The following ABLIM2 variants were observed in gnomAD, a reference collection of about 807,000 sequenced individuals.
The protein encoded by ABLIM2 is actin-binding LIM protein 2.
In ABLIM2, 53 loss-of-function variants were observed where a neutral mutation model predicts 97.7. The ratio of observed to expected loss-of-function variants is 0.54; its 90% CI spans 0.44 to 0.68. ABLIM2 has a LOEUF of 0.68. Among genes scored for constraint, ABLIM2 ranks in the 30% least tolerant of loss-of-function variants. The pLI, the probability that ABLIM2 is intolerant of heterozygous loss-of-function variation, is 0.00. For missense variants in ABLIM2, 835 were observed against 867.2 expected, an observed-to-expected ratio of 0.96 and a Z score of 0.47; for synonymous variants, 361 against 345.8, an observed-to-expected ratio of 1.04 and a Z score of -0.49.
chr4:8,037,351 C>CACAT, intron 9 of ABLIM2, among the ~76,000 whole-genome samples: 1 of 151,788 alleles, frequency 6.6e-6, no homozygotes, highest in South Asian at 2.1e-4. Context: ...CACACACACA[C>CACAT]ATAAGGCACA....
intron 7 of ABLIM2, among the ~76,000 whole-genome samples, chr4:8,059,406 C>T (rs532623581): frequency 1.5e-4 from 23 of 152,126 alleles, no homozygotes; most frequent in Non-Finnish European, 2.5e-4. Context: ...CCAACTCTAA[C>T]GGTGTCTCCT....
At chr4:8,052,461 C>T (rs1243462761) in intron 8 of ABLIM2, among the ~76,000 whole-genome samples, 1 of 152,220 alleles carries the variant, frequency 6.6e-6, no homozygotes, top group East Asian at 1.9e-4. Context: ...TCACAATGTG[C>T]CAGCTAGCTG....
intron 17 of ABLIM2, among the ~76,000 whole-genome samples, chr4:7,991,520 A>G (rs947365432): frequency 7.6e-6 from 1 of 131,512 alleles, no homozygotes; most frequent in Non-Finnish European, 1.6e-5. Flanking sequence ...CATTGAGCTC[A>G]GGGATTTGCA....
rs141285781 is a variant in ABLIM2 at position 8,055,053 on chromosome 4, T to G, written c.764-807A>C. Among the ~76,000 whole-genome samples the G allele has an allele frequency of 2.3e-3, 351 of 151,834 alleles. 2 individuals are homozygous for G. Among genetic ancestry groups the G allele is most frequent in the African/African-American group, 8.0e-3 (333 of 41,452 alleles). ...TACCCCAAGTCTTTGTTTTTGTTTT[T>G]TTTTTTTCCACCTAAGAATAGAGCT... On this transcript the variant is annotated intron_variant, in intron 7 of 20. Coordinates refer to ENST00000447017, the MANE Select transcript of ABLIM2 (RefSeq NM_001130083.2).
At position 7,999,989 on chromosome 4, in the gene ABLIM2, C is replaced by T. The variant is rs1000146749; in HGVS notation, c.1619-7062G>A. Among the ~76,000 whole-genome samples, 2 of 152,204 alleles carry T rather than the reference C, an allele frequency of 1.3e-5. No homozygotes were observed. The highest frequency in any genetic ancestry group is 1.3e-4 in the Admixed American group (2 of 15,272). ...GCACCTTGTGGGCAGAGGACTGTGG[C>T]TCACACAGCATCCGGGTCTGCTTTG... is the stretch of plus-strand genomic sequence containing the variant. On this transcript the variant is annotated intron_variant, in intron 16 of 20. Transcript: ENST00000447017. The surrounding 1 kb of genome is among the most constrained non-coding windows in gnomAD (Gnocchi z 4.4).
rs60992903 is a variant in ABLIM2 at position 8,056,112 on chromosome 4, C to CAAAAAAAAAAAAAA, written c.764-1880_764-1867dup. 1.6e-3 allele frequency among the ~76,000 whole-genome samples: 111 copies of CAAAAAAAAAAAAAA among 68,314 alleles called. 1 individual carries two copies. Among genetic ancestry groups the CAAAAAAAAAAAAAA allele is most frequent in the East Asian group, 2.9e-3 (9 of 3,132 alleles). The allele number at this position is 68,314 out of a possible 152,430, so 44.8% of individuals were successfully genotyped here. On this transcript the variant is annotated intron_variant, in intron 7 of 20. Transcript: ENST00000447017. ...TGGGTAACAGAGCAAGACTCTGTCT[C>CAAAAAAAAAAAAAA]AAAAAAAAAAAAAAAAAAAAAAAAA...
chr4:8,090,874 T>C (rs1191408705), intron 3 of ABLIM2, among the ~76,000 whole-genome samples: 2 of 152,150 alleles, frequency 1.3e-5, no homozygotes, highest in East Asian at 1.9e-4. Context: ...AGCCATTCCA[T>C]GCAACTGCTG....
rs1482037551 is a variant in ABLIM2, at chr4:8,067,110, T to A, written c.676-6056A>T. The stretch of plus-strand genomic sequence containing the variant: ...CGAGGGGGGCCTACCCAAGGCCATG[T>A]CATTGAGAGAATGAGGAGCCAGGAT... On this transcript the variant is annotated intron_variant, in intron 6 of 20. Coordinates refer to ENST00000447017, the MANE Select transcript of ABLIM2 (RefSeq NM_001130083.2). This position sits in a 1 kb window ranked among gnomAD's most constrained non-coding sequence, Gnocchi z 5.4. The A allele has an allele frequency of 1.3e-5, 2 of 152,252 alleles. No individual in the cohort carries two copies. The highest frequency in any genetic ancestry group is 4.8e-5 in the African/African-American group (2 of 41,442). 9.4% of individuals were successfully genotyped at this position (152,252 alleles called of 1,614,324 possible). A position where few individuals can be genotyped will look rare whatever the true frequency, so the allele number is the denominator to read the frequency against.
chr4:7,983,257 C>G lies in ABLIM2; in HGVS notation c.1824+7G>C, dbSNP rs779162927. On this transcript the variant is annotated splice_region_variant and intron_variant, in intron 20 of 20. Transcript: ENST00000447017. ...TGAGTCCCCTGCCCCGGCAGTCCCC[C>G]GCTTACCTCCAGTCTCGTCCGGTCC... is the stretch of plus-strand genomic sequence containing the variant. 18 of 1,607,514 alleles carry G rather than the reference C, an allele frequency of 1.1e-5. No individual in the cohort carries two copies. In the East Asian group the frequency reaches 4.0e-4, roughly 36 times the overall value.
At chr4:8,007,837 TG>T in intron 16 of ABLIM2, 1 of 1,347,584 alleles carries the variant, frequency 7.4e-7, no homozygotes, top group South Asian at 2.1e-5. Context: ...CATGCAGGCG[TG>T]GCCCTCGTTA....
chr4:8,081,464 C>T (rs1819771417), intron 4 of ABLIM2, among the ~76,000 whole-genome samples: 2 of 152,190 alleles, frequency 1.3e-5, no homozygotes, highest in South Asian at 2.1e-4. Flanking sequence ...GCCCACAATC[C>T]CTCCACCCTA....
At chr4:8,014,277 C>T (rs1035640494) in intron 14 of ABLIM2, among the ~76,000 whole-genome samples, 28 of 152,330 alleles carry the variant, frequency 1.8e-4, no homozygotes, top group East Asian at 7.7e-4. Flanking sequence ...CAGAGAGAGA[C>T]GCCCTCTCCA....
chr4:7,988,362 A>C (rs1261085416), intron 17 of ABLIM2, among the ~76,000 whole-genome samples: 1 of 152,212 alleles, frequency 6.6e-6, no homozygotes. Flanking sequence ...CTATAGGTAC[A>C]TTCTCTAACC....
Position 8,106,598 on chromosome 4 carries a change from G to T in ABLIM2, c.50C>A (p.Ser17Ter). Reference protein sequence around the residue: ...PQAAPSPLEKSPSTAILCNTC... With the variant: ...PQAAPSPLEK Reference sequence around the variant, plus strand: ...GTTGCACAGGATCGCCGTGCTGGGCGACTTCTCCAGCGGGCTGGGAGCAGC... The same window carrying T: ...GTTGCACAGGATCGCCGTGCTGGGCTACTTCTCCAGCGGGCTGGGAGCAGC... The change falls in exon 2 of 21, where the codon TCG becomes TAG. Residue 17 changes from serine (S) to a stop codon, truncating the protein, a stop_gained. Coordinates refer to ENST00000447017, the MANE Select transcript of ABLIM2 (RefSeq NM_001130083.2). LOFTEE classifies it high-confidence loss of function. The T allele has an allele frequency of 6.2e-7, 1 of 1,612,154 alleles. No individual in the cohort carries two copies.
At chr4:8,131,841 A>G (rs1188546980) in intron 1 of ABLIM2, among the ~76,000 whole-genome samples, 1 of 131,470 alleles carries the variant, frequency 7.6e-6, no homozygotes, top group Non-Finnish European at 1.5e-5. Context: ...AGCAGCCCGC[A>G]TCCCTGAGCA....
Position 7,992,772 on chromosome 4 carries a change from C to G in ABLIM2, c.1680+94G>C. The G allele has an allele frequency of 7.0e-7, 1 of 1,431,648 alleles. No homozygotes were observed. The highest frequency in any genetic ancestry group is 9.6e-7 in the Non-Finnish European group (1 of 1,037,338). 88.7% of individuals were successfully genotyped at this position (1,431,648 alleles called of 1,614,324 possible). On this transcript the variant is annotated intron_variant, in intron 17 of 20. Coordinates refer to ENST00000447017, the MANE Select transcript of ABLIM2 (RefSeq NM_001130083.2). This position sits in a 1 kb window ranked among gnomAD's most constrained non-coding sequence, Gnocchi z 5.7. ...GTGGGCCGCGGGGTCCCCGGGGCCT[C>G]TCCTCCTGCTGTGTGGTCAAGAAGC... is the stretch of plus-strand genomic sequence containing the variant.
At chr4:8,012,113 C>T (rs1765329477) in intron 14 of ABLIM2, among the ~76,000 whole-genome samples, 2 of 151,534 alleles carry the variant, frequency 1.3e-5, no homozygotes, top group African/African-American at 2.4e-5. Flanking sequence ...CATCCATCCA[C>T]CCATCCTTCA....
chr4:8,119,529 T>C (rs941073047), intron 1 of ABLIM2, among the ~76,000 whole-genome samples: 20 of 152,042 alleles, frequency 1.3e-4, no homozygotes, highest in Non-Finnish European at 2.8e-4. Context: ...GGTTTCACCA[T>C]GTTGGTCAGG....
At chr4:8,077,819 G>GCATTCCCCCACTTTGA in intron 5 of ABLIM2, 98 bp from the exon 6 acceptor site, 1 of 1,047,004 alleles carries the variant, frequency 9.6e-7, no homozygotes, top group Non-Finnish European at 1.4e-6. Context: ...CTCAAAGTGG[G>GCATTCCCCCACTTTGA]GGAATGCCCA....
Sources: allele counts gnomAD v4.1 joint callset (sites outside exome capture counted in the v4.1 genomes callset), GRCh38; gene constraint gnomAD v4.1.1; non-coding constraint Gnocchi (gnomAD v3.1); transcripts MANE v1.5; gene names NCBI Gene and HGNC (gene_info 2026-07-23, HGNC 2026-07-21).